GALK2: variants seen among roughly 807,000 people sequenced by gnomAD.
GALK2 encodes the protein N-acetylgalactosamine kinase.
A neutral mutation model predicts 52.4 loss-of-function variants in GALK2; 36 were observed. That is an observed-to-expected ratio of 0.69 (90% CI 0.53 to 0.91). The LOEUF (loss-of-function observed/expected upper bound fraction) is 0.91. Among genes scored for constraint, GALK2 ranks in the 40% least tolerant of loss-of-function variants. The probability of loss-of-function intolerance (pLI) is 0.00; values close to 1 mark genes in which losing one functional copy is unlikely to be tolerated. For missense variants in GALK2, 579 were observed against 559.1 expected, an observed-to-expected ratio of 1.04 and a Z score of -0.36; for synonymous variants, 176 against 199.1, an observed-to-expected ratio of 0.88 and a Z score of 0.98.
At chr15:49,158,253 A>G (rs2084524650) in intron 1 of GALK2, among the ~76,000 whole-genome samples, 1 of 152,232 alleles carries the variant, frequency 6.6e-6, no homozygotes, top group South Asian at 2.1e-4. Flanking sequence ...GATACAGAAG[A>G]TGCTAAAGAA....
chr15:49,170,650 A>C, intron 1 of GALK2: 1 of 413,104 alleles, frequency 2.4e-6, no homozygotes, highest in East Asian at 3.8e-5. Flanking sequence ...TACTCTTTCT[A>C]CTGGGCTTCA....
intron 5 of GALK2, among the ~76,000 whole-genome samples, chr15:49,260,171 G>C (rs989153853): frequency 1.3e-5 from 2 of 152,170 alleles, no homozygotes; most frequent in African/African-American, 4.8e-5. Flanking sequence ...CTTCCACAAG[G>C]TTTGAACTAG....
At chr15:49,305,572 G>C (rs1448316230) in intron 8 of GALK2, among the ~76,000 whole-genome samples, 1 of 152,146 alleles carries the variant, frequency 6.6e-6, no homozygotes, top group African/African-American at 2.4e-5. Flanking sequence ...ACATAGGAAA[G>C]CAATATAATT....
chr15:49,210,381 A>G (rs2088730883), intron 2 of GALK2, among the ~76,000 whole-genome samples: 1 of 151,060 alleles, frequency 6.6e-6, no homozygotes, highest in African/African-American at 2.4e-5. Flanking sequence ...TAGGTTGTTT[A>G]TATGCAAAAT....
intron 9 of GALK2, among the ~76,000 whole-genome samples, chr15:49,322,914 A>G (rs1028471207): frequency 1.3e-5 from 2 of 150,696 alleles, no homozygotes; most frequent in Non-Finnish European, 3.0e-5. Flanking sequence ...CCGAGATCGC[A>G]ACACTGCCCT....
At chr15:49,182,589 T>A (rs1320092111) in intron 1 of GALK2, among the ~76,000 whole-genome samples, 3 of 152,252 alleles carry the variant, frequency 2.0e-5, no homozygotes, top group Non-Finnish European at 4.4e-5. Context: ...GTGGTTGTAC[T>A]AATTTACATT....
At chr15:49,362,033 G>A (rs986969193) in intron 3 of GALK2, among the ~76,000 whole-genome samples, 4 of 152,070 alleles carry the variant, frequency 2.6e-5, no homozygotes, top group South Asian at 4.1e-4. Flanking sequence ...TGTGGGTTAC[G>A]TGTATGTCTT....
chr15:49,191,345 T>G (rs1366357368), intron 1 of GALK2, among the ~76,000 whole-genome samples: 1 of 152,134 alleles, frequency 6.6e-6, no homozygotes, highest in Non-Finnish European at 1.5e-5. Flanking sequence ...CTCTCCTGAT[T>G]TCTTGGAAAG....
chr15:49,291,570 T>C (rs938849327), intron 7 of GALK2, among the ~76,000 whole-genome samples: 5 of 152,192 alleles, frequency 3.3e-5, no homozygotes, highest in African/African-American at 1.2e-4. Flanking sequence ...AAATCCTCAC[T>C]GTTTTGATTG....
Position 49,328,389 on chromosome 15 carries a change from G to GATCTTTTAAGAATA in GALK2, c.*232_*245dup, listed in dbSNP as rs2037893354. 6.7e-5 allele frequency: 96 copies of GATCTTTTAAGAATA among 1,427,304 alleles called. No homozygotes were observed. The South Asian group carries it at 1.3e-3, about 20-fold the overall frequency. The allele number at this position is 1,427,304 out of a possible 1,614,324, so 88.4% of individuals were successfully genotyped here. A position where few individuals can be genotyped will look rare whatever the true frequency, so the allele number is the denominator to read the frequency against. ...TAAGAGCCAAGATCATGCTTGGACA[G>GATCTTTTAAGAATA]ATCTTTTAAGAATAACTTACTGAGA... On this transcript the variant is annotated 3_prime_UTR_variant, in exon 10 of 10. Coordinates refer to ENST00000560031, the MANE Select transcript of GALK2 (RefSeq NM_002044.4).
chr15:49,340,424 C>T (rs903960399), intron 3 of GALK2, among the ~76,000 whole-genome samples: 2 of 130,026 alleles, frequency 1.5e-5, no homozygotes, highest in Admixed American at 1.6e-4. Flanking sequence ...CCCCCCCCCG[C>T]TTTGCCTCGC....
upstream of GALK2, among the ~76,000 whole-genome samples, chr15:49,168,706 C>T (rs569697371): frequency 2.2e-4 from 32 of 146,262 alleles, no homozygotes; most frequent in African/African-American, 6.4e-4. Flanking sequence ...CAACAAAGAG[C>T]GAAACTCCAT....
intron 3 of GALK2, among the ~76,000 whole-genome samples, chr15:49,348,556 C>A (rs2041846302): frequency 6.6e-6 from 1 of 152,156 alleles, no homozygotes. Context: ...TTTGGAGCAC[C>A]TCACAGAATC....
chr15:49,167,269 G>A (rs915353220), upstream of GALK2, among the ~76,000 whole-genome samples: 3 of 152,194 alleles, frequency 2.0e-5, no homozygotes, highest in African/African-American at 7.2e-5. Context: ...TAAACCTATT[G>A]TAAGAGTGCC....
At chr15:49,367,726 A>G in exon 4 of GALK2, 1 of 960,342 alleles carries the variant, frequency 1.0e-6, no homozygotes, top group Non-Finnish European at 1.5e-6. Context: ...AAAATAAAGG[A>G]AATTCTACAA....
intron 1 of GALK2, among the ~76,000 whole-genome samples, chr15:49,189,460 C>T (rs959310841): frequency 1.3e-5 from 2 of 151,938 alleles, no homozygotes; most frequent in African/African-American, 2.4e-5. Context: ...CAGATAGTAC[C>T]GAATCCTATA....
chr15:49,315,612 A>G (rs1190366901), intron 8 of GALK2, among the ~76,000 whole-genome samples: 3 of 152,340 alleles, frequency 2.0e-5, no homozygotes, highest in Non-Finnish European at 2.9e-5. Flanking sequence ...CAAGATTTTT[A>G]TATCACAATT....
At chr15:49,228,434 G>T (rs1486664897) in intron 3 of GALK2, among the ~76,000 whole-genome samples, 1 of 150,250 alleles carries the variant, frequency 6.7e-6, no homozygotes, top group South Asian at 2.1e-4. Flanking sequence ...CCTTATATTT[G>T]TCTGACTGTG....
chr15:49,178,917 C>A (rs900298630), intron 1 of GALK2, among the ~76,000 whole-genome samples: 7 of 152,128 alleles, frequency 4.6e-5, no homozygotes, highest in African/African-American at 1.7e-4. Flanking sequence ...ATAGCTGTGG[C>A]CTTAATTTCC....
Sources: allele counts gnomAD v4.1 joint callset (sites outside exome capture counted in the v4.1 genomes callset), GRCh38; gene constraint gnomAD v4.1.1; transcripts MANE v1.5; gene names NCBI Gene and HGNC (gene_info 2026-07-23, HGNC 2026-07-21).